Variants in CDHR1 observed in about 807,000 individuals in gnomAD.
CDHR1 encodes the protein cadherin-related family member 1.
Under a neutral mutation model 72.1 loss-of-function variants are expected in CDHR1, and 61 were observed. The ratio of observed to expected loss-of-function variants is 0.85; its 90% CI spans 0.69 to 1.05. The LOEUF is 1.05. Ranked by LOEUF, CDHR1 falls within the 50% of genes least tolerant of loss-of-function variation. CDHR1 has a pLI of 0.00. For missense variants in CDHR1, 1,186 were observed against 1,115.7 expected (o/e 1.06, Z -0.90); for synonymous variants, 470 against 448.1 (o/e 1.05, Z -0.62).
intron 13 of CDHR1, 111 bp downstream of exon 13, chr10:84,211,276 C>A (rs1842326272): frequency 1.7e-6 from 2 of 1,161,572 alleles, no homozygotes; most frequent in Admixed American, 4.0e-5. Context: ...CATTAGCTGT[C>A]CTTGGACAAG....
At position 84,214,120 on chromosome 10, in the gene CDHR1, G is replaced by A; in HGVS notation, c.2079G>A (p.Gln693=). 1 of 1,614,198 alleles carries A rather than the reference G, an allele frequency of 6.2e-7. No homozygotes were observed. Among genetic ancestry groups the A allele is most frequent in the Non-Finnish European group, 8.5e-7 (1 of 1,180,050 alleles). Residue 693 remains glutamine, a synonymous_variant, in exon 17 of 17, where the codon CAG becomes CAA. Coordinates refer to ENST00000623527, the MANE Select transcript of CDHR1 (RefSeq NM_033100.4). The part of the protein sequence containing the change: ...SRSPMAAFLI[Q]TKDNPMKAVG... ...GCCCCATGGCTGCCTTCCTGATACAGACCAAGGACAACCCCATGAAGGCCG... is the reference window on the plus strand; with the variant it reads ...GCCCCATGGCTGCCTTCCTGATACAAACCAAGGACAACCCCATGAAGGCCG...
chr10:84,212,356 A>T lies in CDHR1; in HGVS notation c.1731A>T (p.Gly577=). The T allele has an allele frequency of 6.2e-7, 1 of 1,614,194 alleles. No individual in the cohort carries two copies. Among genetic ancestry groups the T allele is most frequent in the East Asian group, 2.2e-5 (1 of 44,886 alleles). ...TCAATGACCACCCCCCTCAGTTTGG[A>T]AAGAGCGTTCAGAAGAAGACGATGG... ...LDVNDHPPQF[G]KSVQKKTMVL... The change falls in exon 15 of 17, where the codon GGA becomes GGT. Residue 577 remains glycine (G), a synonymous_variant. Transcript: ENST00000623527.
rs1030337341 is a variant in CDHR1 at position 84,216,950 on chromosome 10, G to A, written c.*2329G>A. ...AAAGACCTCTAGGCTGGAAGCTTGGGCTTGCAAGTGGATCCGGGACCGAGG... is the reference window on the plus strand; with the variant it reads ...AAAGACCTCTAGGCTGGAAGCTTGGACTTGCAAGTGGATCCGGGACCGAGG... On this transcript the variant is annotated 3_prime_UTR_variant, in exon 17 of 17. Transcript: ENST00000623527. 1.0e-5 allele frequency: 10 copies of A among 985,354 alleles called. No homozygotes were observed. In the African/African-American group the frequency reaches 1.6e-4, roughly 15 times the overall value. 61.0% of individuals were successfully genotyped at this position (985,354 alleles called of 1,614,324 possible). A position where few individuals can be genotyped will look rare whatever the true frequency, so the allele number is the denominator to read the frequency against.
chr10:84,208,864 A>C lies in CDHR1; in HGVS notation c.1303A>C (p.Lys435Gln), dbSNP rs1842279497. 1 of 1,613,988 alleles carries C rather than the reference A, an allele frequency of 6.2e-7. No individual in the cohort carries two copies. The highest frequency in any genetic ancestry group is 8.5e-7 in the Non-Finnish European group (1 of 1,179,982). ...AGCTGCCATTGACTTTGAAAAGTCC[A>C]AAGTATTAACCTTCAAGGTAGGTGG... is the stretch of plus-strand genomic sequence containing the variant. ...NSAAIDFEKS[K>Q]VLTFKLLAVE... The change falls in exon 12 of 17, where the codon AAA becomes CAA. Residue 435 changes from lysine (K) to glutamine (Q), a missense_variant. Transcript: ENST00000623527.
At chr10:84,218,778 ATATATT>A, downstream of CDHR1, 9 of 1,002,972 alleles carry the variant, frequency 9.0e-6, no homozygotes, top group South Asian at 4.3e-4. Flanking sequence ...TATTACATAT[ATATATT>A]TATAAGTATA....
At chr10:84,199,580 T>G (rs2132796350) in intron 5 of CDHR1, among the ~76,000 whole-genome samples, 1 of 152,266 alleles carries the variant, frequency 6.6e-6, no homozygotes, top group East Asian at 1.9e-4. Context: ...TTTTAATAGC[T>G]TCCATAAGTG....
At chr10:84,201,299 A>G (rs1025337480) in intron 6 of CDHR1, among the ~76,000 whole-genome samples, 3 of 152,168 alleles carry the variant, frequency 2.0e-5, no homozygotes, top group African/African-American at 4.8e-5. Context: ...AAGGGCCCCC[A>G]GGGACCCTAC....
chr10:84,196,427 C>T (rs1476044399), intron 2 of CDHR1, 78 bp from the exon 3 acceptor site: 6 of 1,480,198 alleles, frequency 4.1e-6, no homozygotes, highest in South Asian at 2.3e-5. Flanking sequence ...ACAGCTGAAT[C>T]GTTGGTCCTG....
chr10:84,208,113 G>T (rs1842259969), intron 10 of CDHR1, 61 bp from the exon 11 acceptor site: 2 of 1,415,962 alleles, frequency 1.4e-6, no homozygotes, highest in East Asian at 4.5e-5. Flanking sequence ...GGGGAGGTAG[G>T]AGCTGGACCA....
At chr10:84,205,453 C>T (rs1842206200) in intron 9 of CDHR1, among the ~76,000 whole-genome samples, 1 of 151,772 alleles carries the variant, frequency 6.6e-6, no homozygotes, top group East Asian at 1.9e-4. Flanking sequence ...TCCCTTCTTT[C>T]CCCCCTCCCC....
rs754659208 is a variant in CDHR1, at chr10:84,211,018, G to A, written c.1338G>A (p.Val446=). The A allele has an allele frequency of 2.7e-5, 44 of 1,614,110 alleles. No individual in the cohort carries two copies. The highest frequency in any genetic ancestry group is 3.6e-5 in the Non-Finnish European group (43 of 1,180,050). Residue 446 remains valine (V), a synonymous_variant, in exon 13 of 17, where the codon GTG becomes GTA. Transcript: ENST00000623527. ...VLTFKLLAVE[V]NTPEKFSSTA... is the part of the protein sequence containing the mutation. Reference sequence around the variant, plus strand: ...CTTCCCAGCTCCTGGCTGTTGAAGTGAACACCCCAGAGAAGTTCAGTTCCA... The same window carrying A: ...CTTCCCAGCTCCTGGCTGTTGAAGTAAACACCCCAGAGAAGTTCAGTTCCA...
chr10:84,204,775 G>A (rs975826922), intron 9 of CDHR1, among the ~76,000 whole-genome samples, 170 bp downstream of exon 9: 1 of 152,118 alleles, frequency 6.6e-6, no homozygotes, highest in Non-Finnish European at 1.5e-5. Flanking sequence ...TGTGTGCTTC[G>A]GTCCCTGCCT....
chr10:84,213,663 C>T (rs1446152978), intron 16 of CDHR1, among the ~76,000 whole-genome samples: 1 of 151,948 alleles, frequency 6.6e-6, no homozygotes, highest in Admixed American at 6.6e-5. Context: ...AGCTCAGTGT[C>T]TGGCAGAAAA....
intron 11 of CDHR1, 77 bp downstream of exon 11, chr10:84,208,454 T>A (rs544268133): frequency 4.1e-6 from 6 of 1,464,406 alleles, no homozygotes; most frequent in Non-Finnish European, 5.7e-6. Context: ...TGGGTCTGCA[T>A]CAACCTGCTC....
At chr10:84,212,069 C>T in intron 14 of CDHR1, 110 bp from the exon 15 acceptor site, 2 of 958,544 alleles carry the variant, frequency 2.1e-6, no homozygotes, top group East Asian at 2.5e-5. Context: ...GGAGGAGCTG[C>T]ATGACACCTC....
rs1842423628 is a variant in CDHR1, at chr10:84,216,218, TA to T, written c.*1600del. On this transcript the variant is annotated 3_prime_UTR_variant, in exon 17 of 17. Coordinates refer to ENST00000623527, the MANE Select transcript of CDHR1 (RefSeq NM_033100.4). ...TCTAGAATACATTGGTGATTTCATT[TA>T]AAGAGATTGTATGCATTTGTGGCTT... 2 of 985,528 alleles carry T rather than the reference TA, an allele frequency of 2.0e-6. No homozygotes were observed. The highest frequency in any genetic ancestry group is 6.1e-5 in the Admixed American group (1 of 16,292). 61.0% of individuals were successfully genotyped at this position (985,528 alleles called of 1,614,324 possible). A position where few individuals can be genotyped will look rare whatever the true frequency, so the allele number is the denominator to read the frequency against.
intron 4 of CDHR1, among the ~76,000 whole-genome samples, chr10:84,198,326 A>G (rs946100687): frequency 1.3e-5 from 2 of 152,218 alleles, no homozygotes; most frequent in Admixed American, 1.3e-4. Context: ...GGAAAGCACT[A>G]ACAACTGGCC....
Position 84,217,374 on chromosome 10 carries a change from CAG to C in CDHR1, c.*2756_*2757del. On this transcript the variant is annotated 3_prime_UTR_variant, in exon 17 of 17. Coordinates refer to ENST00000623527, the MANE Select transcript of CDHR1 (RefSeq NM_033100.4). ...AATGGATGTGACACCAAATACTCTG[CAG>C]AGTCATTTTCCTCCTGCGGCTGAGC... The C allele has an allele frequency of 3.0e-6, 3 of 985,480 alleles. No homozygotes were observed. Among genetic ancestry groups the C allele is most frequent in the Non-Finnish European group, 3.6e-6 (3 of 829,958 alleles). 61.0% of individuals were successfully genotyped at this position (985,480 alleles called of 1,614,324 possible).
rs1488390323 is a variant in CDHR1 at position 84,213,344 on chromosome 10, C to T, written c.2036C>T (p.Ala679Val). ...TALLKIDITD[A>V]ETLSRSPMAA... ...TTACTCAAGATTGACATCACAGATGCTGAGGTGAGTACAAAGCCATGGTCA... is the reference window on the plus strand; with the variant it reads ...TTACTCAAGATTGACATCACAGATGTTGAGGTGAGTACAAAGCCATGGTCA... Residue 679 changes from alanine to valine, a missense_variant, in exon 16 of 17, where the codon GCT becomes GTT. Physicochemically the swap from Ala to Val is moderately conservative, Grantham distance 64. Transcript: ENST00000623527. 6.2e-7 allele frequency: 1 copy of T among 1,614,182 alleles called. No homozygotes were observed. Among genetic ancestry groups the T allele is most frequent in the Admixed American group, 1.7e-5 (1 of 60,022 alleles).
Sources: allele counts gnomAD v4.1 joint callset (sites outside exome capture counted in the v4.1 genomes callset), GRCh38; gene constraint gnomAD v4.1.1; transcripts MANE v1.5; gene names NCBI Gene and HGNC (gene_info 2026-07-23, HGNC 2026-07-21).